Variants in LRPPRC observed in about 807,000 individuals in gnomAD.
The protein encoded by LRPPRC is leucine-rich PPR motif-containing protein, mitochondrial.
In LRPPRC, 120 loss-of-function variants were observed where a neutral mutation model predicts 180.3. The ratio of observed to expected loss-of-function variants is 0.67; its 90% CI spans 0.57 to 0.77. The LOEUF is 0.77. Ranked by LOEUF, LRPPRC falls within the 30% of genes least tolerant of loss-of-function variation. The pLI, the probability that LRPPRC is intolerant of heterozygous loss-of-function variation, is 0.00. For missense variants in LRPPRC, 2,012 were observed against 1,657.2 expected (o/e 1.21, Z -3.72); for synonymous variants, 723 against 600.0 (o/e 1.21, Z -3.00).
intron 1 of LRPPRC, among the ~76,000 whole-genome samples, chr2:43,988,825 G>A (rs868172409): frequency 1.8e-4 from 27 of 151,984 alleles, no homozygotes; most frequent in African/African-American, 6.3e-4. Flanking sequence ...TTACAGGCAT[G>A]AGCCACCACG....
At chr2:43,981,517 G>A (rs1373008548) in intron 2 of LRPPRC, among the ~76,000 whole-genome samples, 1 of 151,912 alleles carries the variant, frequency 6.6e-6, no homozygotes, top group Non-Finnish European at 1.5e-5. Context: ...AAATTAGCTG[G>A]GCAGTGGCAT....
chr2:43,932,305 A>G (rs1195420057), intron 25 of LRPPRC, among the ~76,000 whole-genome samples: 1 of 152,064 alleles, frequency 6.6e-6, no homozygotes, highest in Non-Finnish European at 1.5e-5. Flanking sequence ...TGGTTTATCT[A>G]ATTATTTCCA....
At chr2:43,936,363 G>A (rs72877175) in intron 23 of LRPPRC, among the ~76,000 whole-genome samples, 5,007 of 152,154 alleles carry the variant, frequency 0.033, 278 homozygotes, top group African/African-American at 0.11. Context: ...AGAAATTAAC[G>A]ATTTATGAAA....
intron 36 of LRPPRC, among the ~76,000 whole-genome samples, chr2:43,890,580 G>A (rs1670455284): frequency 6.6e-6 from 1 of 152,190 alleles, no homozygotes; most frequent in African/African-American, 2.4e-5. Context: ...GGGCGTGGTG[G>A]CGGGTGTCTG....
At chr2:43,948,708 G>A (rs1233111157) in intron 16 of LRPPRC, among the ~76,000 whole-genome samples, 190 bp from the exon 17 acceptor site, 1 of 152,088 alleles carries the variant, frequency 6.6e-6, no homozygotes, top group Non-Finnish European at 1.5e-5. Flanking sequence ...TGAGTGAAAG[G>A]AATATTAATT....
intron 34 of LRPPRC, among the ~76,000 whole-genome samples, chr2:43,897,705 A>G (rs1228423453): frequency 6.6e-6 from 1 of 151,984 alleles, no homozygotes; most frequent in Non-Finnish European, 1.5e-5. Flanking sequence ...CAGTGAGGTC[A>G]CTGCAGATAA....
chr2:43,982,574 A>C, intron 1 of LRPPRC, 140 bp from the exon 2 acceptor site: 1 of 661,062 alleles, frequency 1.5e-6, no homozygotes, highest in Non-Finnish European at 2.6e-6. Context: ...GTATGAACTA[A>C]TGGGAAAGAA....
At chr2:43,901,663 A>G in intron 31 of LRPPRC, 139 bp from the exon 32 acceptor site, 1 of 668,296 alleles carries the variant, frequency 1.5e-6, no homozygotes, top group Non-Finnish European at 2.7e-6. Context: ...GATTACAGAA[A>G]ATTATTAATA....
At position 43,952,167 on chromosome 2, in the gene LRPPRC, T is replaced by C. The variant is rs144193046; in HGVS notation, c.1650-1567A>G. Among the ~76,000 whole-genome samples the C allele has an allele frequency of 1.3e-3, 191 of 151,428 alleles. 1 individual carries two copies. Among genetic ancestry groups the C allele is most frequent in the Non-Finnish European group, 2.4e-3 (161 of 67,846 alleles). On this transcript the variant is annotated intron_variant, in intron 14 of 37. Coordinates refer to ENST00000260665, the MANE Select transcript of LRPPRC (RefSeq NM_133259.4). Reference sequence around the variant, plus strand: ...AAGATCGCGCCACTGCACTCCAGCCTGGGCAACAAGAGCGAAATTCCGTCT... The same window carrying C: ...AAGATCGCGCCACTGCACTCCAGCCCGGGCAACAAGAGCGAAATTCCGTCT...
chr2:43,900,478 G>A (rs1330955455), intron 32 of LRPPRC, among the ~76,000 whole-genome samples: 4 of 152,080 alleles, frequency 2.6e-5, no homozygotes, highest in East Asian at 1.9e-4. Flanking sequence ...ATATAAAACT[G>A]TGTTTATGTG....
intron 23 of LRPPRC, among the ~76,000 whole-genome samples, chr2:43,942,951 G>A (rs994081579): frequency 6.6e-5 from 10 of 151,826 alleles, no homozygotes; most frequent in African/African-American, 2.4e-4. Flanking sequence ...TAATTTGCCA[G>A]TGCAGTCTCC....
chr2:43,943,573 TA>T, intron 23 of LRPPRC, 113 bp downstream of exon 23: 1 of 848,824 alleles, frequency 1.2e-6, no homozygotes, highest in Non-Finnish European at 2.0e-6. Context: ...TACTCTGTGG[TA>T]AATGACCTCC....
At chr2:43,993,539 C>G (rs1373117241) in intron 1 of LRPPRC, among the ~76,000 whole-genome samples, 1 of 152,004 alleles carries the variant, frequency 6.6e-6, no homozygotes, top group African/African-American at 2.4e-5. Flanking sequence ...CTAGAGTAAA[C>G]AGAGTTCCAG....
rs1285249558 is a variant in LRPPRC, at chr2:43,979,348, C to T, written c.469+478G>A. Among the ~76,000 whole-genome samples, 4 of 152,082 alleles carry T rather than the reference C, an allele frequency of 2.6e-5. 1 individual carries two copies. The South Asian group carries it at 6.2e-4, about 24-fold the overall frequency. On this transcript the variant is annotated intron_variant, in intron 3 of 37. Coordinates refer to ENST00000260665, the MANE Select transcript of LRPPRC (RefSeq NM_133259.4). ...AACACCCCCATTGGCATATAAAGAG[C>T]TTCTTCATTTCTTAAAACAGTTACA...
chr2:43,981,729 C>G (rs1674316881), intron 2 of LRPPRC, among the ~76,000 whole-genome samples: 1 of 151,818 alleles, frequency 6.6e-6, no homozygotes, highest in African/African-American at 2.4e-5. Context: ...AGATAGAAAT[C>G]ACAATCATAA....
intron 23 of LRPPRC, among the ~76,000 whole-genome samples, chr2:43,941,424 T>C (rs1207863459): frequency 6.6e-6 from 1 of 152,222 alleles, no homozygotes; most frequent in Non-Finnish European, 1.5e-5. Context: ...ATGTTTTTTA[T>C]ACTTTTATCA....
At chr2:43,908,178 T>C (rs1203230788) in intron 30 of LRPPRC, among the ~76,000 whole-genome samples, 1 of 152,062 alleles carries the variant, frequency 6.6e-6, no homozygotes, top group Non-Finnish European at 1.5e-5. Context: ...TAAAGTAGGG[T>C]TGTTGTTACA....
intron 25 of LRPPRC, among the ~76,000 whole-genome samples, chr2:43,929,032 A>G (rs1671988928): frequency 6.6e-6 from 1 of 152,220 alleles, no homozygotes; most frequent in Non-Finnish European, 1.5e-5. Flanking sequence ...AGAAAATGTT[A>G]AGGAAATTGT....
chr2:43,968,408 T>C (rs868677444), intron 11 of LRPPRC, among the ~76,000 whole-genome samples: 58 of 152,350 alleles, frequency 3.8e-4, no homozygotes, highest in African/African-American at 1.3e-3. Flanking sequence ...AACTGAAATA[T>C]TATACATAGG....
Sources: gnomAD v4.1 joint callset for allele counts (sites outside exome capture counted in the v4.1 genomes callset) on GRCh38, gnomAD v4.1.1 for gene constraint, MANE v1.5 for transcripts, NCBI Gene and HGNC (gene_info 2026-07-23, HGNC 2026-07-21) for gene names.